SKIC8: variants seen among roughly 807,000 people sequenced by gnomAD.
SKIC8 encodes the protein superkiller complex protein 8.
the SKIC8 span, chr15:78,285,003 G>A: frequency 6.8e-6 from 3 of 440,982 alleles, no homozygotes; most frequent in Non-Finnish European, 1.2e-5. Flanking sequence ...TTTAAAGGCT[G>A]TGGGGCTAAC....
the SKIC8 span, chr15:78,292,114 C>G: frequency 1.3e-5 from 2 of 154,592 alleles, no homozygotes; most frequent in African/African-American, 4.8e-5. Flanking sequence ...GAATCACACC[C>G]TTTAATCAAA....
At chr15:78,289,944 T>C in the SKIC8 span, 1 of 1,612,580 alleles carries the variant, frequency 6.2e-7, no homozygotes, top group African/African-American at 1.3e-5. Flanking sequence ...GAGCAATGTT[T>C]CCTTACATAT....
the SKIC8 span, chr15:78,285,964 A>G: frequency 8.1e-7 from 1 of 1,234,688 alleles, no homozygotes; most frequent in African/African-American, 1.5e-5. Flanking sequence ...AACATCTTTA[A>G]ATGTTAAGGC....
At chr15:78,291,746 G>A in the SKIC8 span, 2 of 152,194 alleles carry the variant, frequency 1.3e-5, no homozygotes, top group Non-Finnish European at 2.9e-5. Flanking sequence ...AATCCATCCA[G>A]GGCACCAATC....
At chr15:78,283,356 C>G in the SKIC8 span, 1 of 1,175,776 alleles carries the variant, frequency 8.5e-7, no homozygotes, top group African/African-American at 1.5e-5. Context: ...TTCTTTTAAA[C>G]AAGCCTAAGA....
the SKIC8 span, chr15:78,293,031 T>A: frequency 2.4e-6 from 2 of 831,914 alleles, no homozygotes; most frequent in African/African-American, 3.5e-5. Flanking sequence ...AAAAATAAGC[T>A]GCTGTTTTAT....
chr15:78,290,175 A>G, the SKIC8 span: 2 of 1,461,862 alleles, frequency 1.4e-6, no homozygotes, highest in Non-Finnish European at 1.8e-6. Context: ...AGTTTTACCA[A>G]AGGATACATC....
At chr15:78,283,679 G>C in the SKIC8 span, 4 of 486,826 alleles carry the variant, frequency 8.2e-6, no homozygotes, top group South Asian at 4.5e-5. Flanking sequence ...CTTTAACCGA[G>C]CACCTTCCAT....
the SKIC8 span, among the ~76,000 whole-genome samples, chr15:78,296,625 C>G: frequency 6.6e-6 from 1 of 151,906 alleles, no homozygotes; most frequent in Non-Finnish European, 1.5e-5. Flanking sequence ...GCTCCCACCT[C>G]AGCCCGAGTG....
the SKIC8 span, chr15:78,292,298 A>G: frequency 3.6e-6 from 1 of 280,398 alleles, no homozygotes; most frequent in South Asian, 4.0e-5. Flanking sequence ...AGCTCTGGAA[A>G]CTACAAGCTT....
the SKIC8 span, chr15:78,288,192 A>T: frequency 7.8e-7 from 1 of 1,289,526 alleles, no homozygotes; most frequent in Non-Finnish European, 1.1e-6. Flanking sequence ...TGACTTGAGC[A>T]CAGGTCTTTA....
At chr15:78,285,320 T>C in the SKIC8 span, 31 of 1,614,098 alleles carry the variant, frequency 1.9e-5, no homozygotes, top group Non-Finnish European at 2.5e-5. Flanking sequence ...TCCCAAACTT[T>C]TACACTTTTG....
the SKIC8 span, chr15:78,292,402 G>A: frequency 1.8e-6 from 1 of 557,098 alleles, no homozygotes; most frequent in Non-Finnish European, 3.2e-6. Flanking sequence ...CTCCCTTAGT[G>A]TAAACATTCA....
At chr15:78,295,690 C>T in the SKIC8 span, 6 of 1,561,816 alleles carry the variant, frequency 3.8e-6, no homozygotes, top group Admixed American at 9.4e-5. Flanking sequence ...TGGTCATTTC[C>T]TTAACCAAGG....
the SKIC8 span, chr15:78,286,225 G>A: frequency 3.6e-6 from 4 of 1,099,260 alleles, no homozygotes; most frequent in Non-Finnish European, 5.3e-6. Flanking sequence ...CTGCCAATAA[G>A]CTGGACCAAA....
the SKIC8 span, chr15:78,285,366 C>T: frequency 7.5e-5 from 121 of 1,609,510 alleles, no homozygotes; most frequent in Non-Finnish European, 9.2e-5. Flanking sequence ...ACATTAGTAT[C>T]GGTTTGAAGT....
At chr15:78,286,489 G>A in the SKIC8 span, 1 of 200,192 alleles carries the variant, frequency 5.0e-6, no homozygotes, top group Non-Finnish European at 1.0e-5. Context: ...GAAGCCATCT[G>A]AGGAGAAGGG....
At chr15:78,289,052 TA>T in the SKIC8 span, 1 of 353,752 alleles carries the variant, frequency 2.8e-6, no homozygotes, top group African/African-American at 2.2e-5. Context: ...ATATAATAAA[TA>T]AAAAGTAAGT....
chr15:78,294,904 T>C, the SKIC8 span: 342 of 1,613,430 alleles, frequency 2.1e-4, 6 homozygotes, highest in East Asian at 5.9e-3. Flanking sequence ...GACAACACAG[T>C]TTTTTTCACA....
Sources: gnomAD v4.1 joint callset for allele counts (sites outside exome capture counted in the v4.1 genomes callset) on GRCh38, gnomAD v4.1.1 for gene constraint, MANE v1.5 for transcripts, NCBI Gene and HGNC (gene_info 2026-07-23, HGNC 2026-07-21) for gene names.